GALNT14: variants seen among roughly 807,000 people sequenced by gnomAD.
GALNT14 encodes the protein polypeptide N-acetylgalactosaminyltransferase 14.
Under a neutral mutation model 77.5 loss-of-function variants are expected in GALNT14, and 60 were observed. The ratio of observed to expected loss-of-function variants is 0.77; its 90% CI spans 0.63 to 0.96. The LOEUF is 0.96. GALNT14 is among the 40% of genes least tolerant of loss of function. The pLI is 0.00. For missense variants in GALNT14, 710 were observed against 731.0 expected, an observed-to-expected ratio of 0.97 and a Z score of 0.33; for synonymous variants, 280 against 281.7, an observed-to-expected ratio of 0.99 and a Z score of 0.06.
rs372717240 is a variant in GALNT14, at chr2:30,924,305, T to C, written c.1236-42A>G. 56 of 1,606,450 alleles carry C rather than the reference T, an allele frequency of 3.5e-5. No homozygotes were observed. The African/African-American group carries it at 5.6e-4, about 16-fold the overall frequency. On this transcript the variant is annotated intron_variant, in intron 12 of 14. Transcript: ENST00000349752. ...GGGAGAGAGGAGAGTCCACTGCTCA[T>C]TGGATTAGCAAGACTACCAGCTGGA...
chr2:30,922,951 G>A (rs73921195), intron 13 of GALNT14, among the ~76,000 whole-genome samples: 2,706 of 151,974 alleles, frequency 0.018, 64 homozygotes, highest in African/African-American at 0.048. Context: ...CCAAGAAATC[G>A]TTTGTAGAGA....
At chr2:30,959,677 T>C (rs1667571438) in intron 3 of GALNT14, among the ~76,000 whole-genome samples, 1 of 152,234 alleles carries the variant, frequency 6.6e-6, no homozygotes, top group African/African-American at 2.4e-5. Flanking sequence ...ATGGTTGCAA[T>C]TTTTTATTAT....
chr2:30,982,383 C>T (rs1012995804), intron 2 of GALNT14, among the ~76,000 whole-genome samples: 3 of 152,116 alleles, frequency 2.0e-5, no homozygotes, highest in African/African-American at 4.8e-5. Context: ...TAGCAGCTCT[C>T]GTCATAAAAG....
chr2:30,888,689 T>A, the GALNT14 span, among the ~76,000 whole-genome samples: 3 of 152,066 alleles, frequency 2.0e-5, no homozygotes, highest in African/African-American at 7.2e-5. Context: ...AATAAGCCTG[T>A]TCCTACCAAT....
At chr2:30,934,279 C>T (rs978520202) in intron 9 of GALNT14, among the ~76,000 whole-genome samples, 1 of 152,116 alleles carries the variant, frequency 6.6e-6, no homozygotes, top group East Asian at 1.9e-4. Context: ...TGTGTCAGCA[C>T]GTGTGAATTT....
intron 1 of GALNT14, among the ~76,000 whole-genome samples, chr2:31,134,670 G>A (rs1413081733): frequency 1.3e-5 from 2 of 152,168 alleles, no homozygotes; most frequent in African/African-American, 2.4e-5. Flanking sequence ...AGTAGCTCCT[G>A]CCTTAGCACC....
intron 2 of GALNT14, among the ~76,000 whole-genome samples, chr2:30,975,110 G>C (rs565386047): frequency 6.6e-6 from 1 of 152,326 alleles, no homozygotes; most frequent in South Asian, 2.1e-4. Context: ...GAGTTGGGGA[G>C]GGGGCTGGCG....
intron 1 of GALNT14, among the ~76,000 whole-genome samples, chr2:31,082,053 C>G (rs1376640896): frequency 2.0e-5 from 3 of 152,322 alleles, no homozygotes; most frequent in Admixed American, 2.0e-4. Flanking sequence ...GCAGAGGCTC[C>G]TACAAACTTA....
intron 1 of GALNT14, among the ~76,000 whole-genome samples, chr2:31,082,711 G>T (rs1182581580): frequency 6.6e-6 from 1 of 152,092 alleles, no homozygotes; most frequent in South Asian, 2.1e-4. Context: ...ATGATAAAAA[G>T]GAAGAAATAA....
At chr2:30,887,314 G>A in the GALNT14 span, among the ~76,000 whole-genome samples, 1 of 152,066 alleles carries the variant, frequency 6.6e-6, no homozygotes, top group South Asian at 2.1e-4. Context: ...TTTCACAGCA[G>A]CTGACATTTT....
intron 1 of GALNT14, among the ~76,000 whole-genome samples, chr2:31,112,339 T>G (rs137974787): frequency 6.6e-6 from 1 of 152,196 alleles, no homozygotes; most frequent in African/African-American, 2.4e-5. Flanking sequence ...AGACGTCCCA[T>G]AGCATTTACT....
intron 1 of GALNT14, among the ~76,000 whole-genome samples, chr2:31,005,848 G>T (rs1225708271): frequency 6.6e-6 from 1 of 152,234 alleles, no homozygotes; most frequent in Non-Finnish European, 1.5e-5. Flanking sequence ...TTTAAGAAGC[G>T]TAATACATAA....
chr2:31,033,612 T>C (rs1180655663), intron 1 of GALNT14, among the ~76,000 whole-genome samples: 1 of 152,116 alleles, frequency 6.6e-6, no homozygotes. Context: ...ACTGGCGACT[T>C]GCAACACTGT....
intron 1 of GALNT14, among the ~76,000 whole-genome samples, chr2:31,091,274 T>C (rs1454697557): frequency 3.9e-5 from 6 of 152,256 alleles, no homozygotes; most frequent in Admixed American, 3.9e-4. Flanking sequence ...TACATAAAAA[T>C]TATATGAAAT....
chr2:31,013,377 G>T (rs1055918440), intron 1 of GALNT14, among the ~76,000 whole-genome samples: 2 of 152,152 alleles, frequency 1.3e-5, no homozygotes, highest in African/African-American at 4.8e-5. Context: ...ATGTTTCCTG[G>T]TTTAGGTATC....
In GALNT14 at chr2:30,973,575, T is replaced by C. The variant is rs74556705; in HGVS notation, c.300-7273A>G. The stretch of plus-strand genomic sequence containing the variant: ...GAGGAAAAATATAAAATGCCGAATC[T>C]GTGGCTGGCCCCTTGGTTCAAACTG... On this transcript the variant is annotated intron_variant, in intron 2 of 14. Coordinates refer to ENST00000349752, the MANE Select transcript of GALNT14 (RefSeq NM_024572.4). Among the ~76,000 whole-genome samples, 715 of 152,338 alleles carry C rather than the reference T, an allele frequency of 4.7e-3. 8 individuals are homozygous for C. Among genetic ancestry groups the C allele is most frequent in the African/African-American group, 0.016 (677 of 41,576 alleles).
chr2:30,973,284 G>C (rs962508071), intron 2 of GALNT14, among the ~76,000 whole-genome samples: 4 of 152,154 alleles, frequency 2.6e-5, no homozygotes, highest in Non-Finnish European at 5.9e-5. Context: ...TCCATCACCA[G>C]TGCTAGCACA....
downstream of GALNT14, among the ~76,000 whole-genome samples, chr2:30,905,796 A>G (rs1308847729): frequency 6.7e-6 from 1 of 149,340 alleles, no homozygotes; most frequent in South Asian, 2.2e-4. Flanking sequence ...AAAAAATGTT[A>G]AGGGCAGCCA....
chr2:31,012,853 T>C (rs1573157953), intron 1 of GALNT14, among the ~76,000 whole-genome samples: 2 of 151,250 alleles, frequency 1.3e-5, no homozygotes, highest in African/African-American at 4.9e-5. Flanking sequence ...TGGAAGGAAA[T>C]TACCCAAACG....
Sources: allele counts gnomAD v4.1 joint callset (sites outside exome capture counted in the v4.1 genomes callset), GRCh38; gene constraint gnomAD v4.1.1; transcripts MANE v1.5; gene names NCBI Gene and HGNC (gene_info 2026-07-23, HGNC 2026-07-21).